AGAP1: variants seen among roughly 807,000 people sequenced by gnomAD.
AGAP1 encodes ArfGAP with GTPase domain, ankyrin repeat and PH domain 1.
A neutral mutation model predicts 105.3 loss-of-function variants in AGAP1; 29 were observed. That is an observed-to-expected ratio of 0.28 (90% CI 0.21 to 0.38). The LOEUF (loss-of-function observed/expected upper bound fraction) is 0.38, where lower values mean the gene tolerates loss of function less well. Ranked by LOEUF, AGAP1 falls within the 10% of genes least tolerant of loss-of-function variation. The pLI is 1.00. For synonymous variants in AGAP1, 509 were observed against 485.9 expected, an observed-to-expected ratio of 1.05 and a Z score of -0.63; for missense variants, 998 against 1,165.1, an observed-to-expected ratio of 0.86 and a Z score of 2.09.
intron 1 of AGAP1, among the ~76,000 whole-genome samples, chr2:235,545,140 T>C (rs554880311): frequency 6.6e-6 from 1 of 152,346 alleles, no homozygotes; most frequent in African/African-American, 2.4e-5. Flanking sequence ...GTCCATGATA[T>C]GGGCACCTTA....
At chr2:235,516,099 G>A (rs545889679) in intron 1 of AGAP1, among the ~76,000 whole-genome samples, 43 of 97,674 alleles carry the variant, frequency 4.4e-4, no homozygotes, top group Non-Finnish European at 6.9e-4. Flanking sequence ...CTGCTGGCCC[G>A]CCAGTTCCCA....
In AGAP1 at chr2:236,104,755, G is replaced by T. The variant is rs1180680472; in HGVS notation, c.2115-15437G>T. ...AATACAAAAATTAGCTGGGCATGGT[G>T]ATGCGTGCCTGTAATCCCAGCTACT... On this transcript the variant is annotated intron_variant, in intron 16 of 17. Coordinates refer to ENST00000304032, the MANE Select transcript of AGAP1 (RefSeq NM_001037131.3). This position sits in a 1 kb window ranked among gnomAD's most constrained non-coding sequence, Gnocchi z 4.7. Among the ~76,000 whole-genome samples, 2 of 152,228 alleles carry T rather than the reference G, an allele frequency of 1.3e-5. No individual in the cohort carries two copies. The highest frequency in any genetic ancestry group is 4.8e-5 in the African/African-American group (2 of 41,470).
chr2:236,031,590 G>A (rs1216980218), intron 13 of AGAP1, among the ~76,000 whole-genome samples: 1 of 152,084 alleles, frequency 6.6e-6, no homozygotes. Context: ...TGTGTGAGAC[G>A]CTGAATTCCC....
intron 1 of AGAP1, among the ~76,000 whole-genome samples, chr2:235,679,406 C>G (rs1234776814): frequency 3.9e-5 from 6 of 152,214 alleles, no homozygotes. Flanking sequence ...CCCGAAGCTC[C>G]AAGTATAAGC....
In AGAP1 at chr2:236,049,457, G is replaced by T. The variant is rs776662766; in HGVS notation, c.2114+176G>T. The stretch of plus-strand genomic sequence containing the variant: ...TTAAAGTTGGTCTTGAGCAGACGTG[G>T]ATAATTCACACTCCTTAATTTTTTA... On this transcript the variant is annotated intron_variant, in intron 16 of 17. Transcript: ENST00000304032. 19 of 573,256 alleles carry T rather than the reference G, an allele frequency of 3.3e-5. 1 individual carries two copies. The highest frequency in any genetic ancestry group is 4.6e-4 in the Middle Eastern group (1 of 2,170). The allele number at this position is 573,256 out of a possible 1,614,324, so 35.5% of individuals were successfully genotyped here.
rs181794056 is a variant in AGAP1, at chr2:235,889,777, G to A, written c.1155+6328G>A. Reference sequence around the variant, plus strand: ...TGAAAACCTCAAACCTTTTTCTTAGGAGAGAACCTCTGTTTCTAAGCAGTG... The same window carrying A: ...TGAAAACCTCAAACCTTTTTCTTAGAAGAGAACCTCTGTTTCTAAGCAGTG... On this transcript the variant is annotated intron_variant, in intron 10 of 17. Coordinates refer to ENST00000304032, the MANE Select transcript of AGAP1 (RefSeq NM_001037131.3). This position sits in a 1 kb window ranked among gnomAD's most constrained non-coding sequence, Gnocchi z 4.6. Among the ~76,000 whole-genome samples, 2 of 152,156 alleles carry A rather than the reference G, an allele frequency of 1.3e-5. No homozygotes were observed. The highest frequency in any genetic ancestry group is 2.4e-5 in the African/African-American group (1 of 41,532).
Position 236,120,385 on chromosome 2 carries a change from C to G in AGAP1, c.2308C>G (p.Arg770Gly), listed in dbSNP as rs144908736. 1 of 1,611,378 alleles carries G rather than the reference C, an allele frequency of 6.2e-7. No individual in the cohort carries two copies. Among genetic ancestry groups the G allele is most frequent in the African/African-American group, 1.3e-5 (1 of 74,880 alleles). Residue 770 changes from arginine to glycine, a missense_variant, in exon 17 of 18, where the codon CGC becomes GGC. Transcript: ENST00000304032. The surrounding 1 kb of genome is among the most constrained non-coding windows in gnomAD (Gnocchi z 6.0). ...CGAGACCTGCGGGGAGGGAGACGGC[C>G]GCACGGCGCTGCATCTGGCCTGCCG... ...VNETCGEGDG[R>G]TALHLACRKG...
chr2:235,810,610 T>G (rs775967886), intron 9 of AGAP1, among the ~76,000 whole-genome samples: 24 of 152,208 alleles, frequency 1.6e-4, no homozygotes, highest in Non-Finnish European at 5.9e-5. Flanking sequence ...TGATACCTCG[T>G]TCGCTGTAAG....
At chr2:235,762,041 G>A (rs1001771987) in intron 6 of AGAP1, among the ~76,000 whole-genome samples, 3 of 151,364 alleles carry the variant, frequency 2.0e-5, no homozygotes, top group South Asian at 2.1e-4. Flanking sequence ...CCCAGGAGCC[G>A]GAAGTTCCAG....
At chr2:235,757,975 C>T (rs1954069673) in intron 6 of AGAP1, among the ~76,000 whole-genome samples, 1 of 152,214 alleles carries the variant, frequency 6.6e-6, no homozygotes, top group African/African-American at 2.4e-5. Flanking sequence ...TTTGCTCACA[C>T]CACAGTCCTT....
In AGAP1 at chr2:236,123,893, T is replaced by C; in HGVS notation, c.2371-26T>C. The C allele has an allele frequency of 6.2e-7, 1 of 1,611,560 alleles. No homozygotes were observed. The highest frequency in any genetic ancestry group is 8.5e-7 in the Non-Finnish European group (1 of 1,179,590). On this transcript the variant is annotated intron_variant, in intron 17 of 17. Transcript: ENST00000304032. The surrounding 1 kb of genome is among the most constrained non-coding windows in gnomAD (Gnocchi z 4.6). Reference sequence around the variant, plus strand: ...CCCTCCATCACATCCCCCATGATACTAATGTGGGCTCCCTTACCTCCGCAG... The same window carrying C: ...CCCTCCATCACATCCCCCATGATACCAATGTGGGCTCCCTTACCTCCGCAG...
Position 235,799,065 on chromosome 2 carries a change from G to A in AGAP1, c.802-302G>A, listed in dbSNP as rs1575495088. ...TTAACCAACCCCTTTCATTTTCAGA[G>A]GAAAGAGAAAATAATCAAATTTGAA... On this transcript the variant is annotated intron_variant, in intron 7 of 17. Coordinates refer to ENST00000304032, the MANE Select transcript of AGAP1 (RefSeq NM_001037131.3). The surrounding 1 kb of genome is among the most constrained non-coding windows in gnomAD (Gnocchi z 5.0). Among the ~76,000 whole-genome samples, 1 of 152,002 alleles carries A rather than the reference G, an allele frequency of 6.6e-6. No homozygotes were observed. Among genetic ancestry groups the A allele is most frequent in the Non-Finnish European group, 1.5e-5 (1 of 68,004 alleles).
At chr2:235,814,245 GC>G (rs1190861469) in intron 9 of AGAP1, among the ~76,000 whole-genome samples, 1 of 152,186 alleles carries the variant, frequency 6.6e-6, no homozygotes, top group Non-Finnish European at 1.5e-5. Flanking sequence ...TCTCTACCCA[GC>G]ACTTCCCTGC....
intron 1 of AGAP1, among the ~76,000 whole-genome samples, chr2:235,708,277 T>C (rs927769575): frequency 6.6e-6 from 1 of 152,206 alleles, no homozygotes; most frequent in Non-Finnish European, 1.5e-5. Context: ...CTCCCTCTGG[T>C]CCAGCCCACT....
rs1370106750 is a variant in AGAP1 at position 235,612,576 on chromosome 2, T to TG, written c.164-96598dup. Among the ~76,000 whole-genome samples the TG allele has an allele frequency of 5.3e-5, 8 of 152,200 alleles. No homozygotes were observed. The highest frequency in any genetic ancestry group is 3.3e-4 in the Admixed American group (5 of 15,288). On this transcript the variant is annotated intron_variant, in intron 1 of 17. Coordinates refer to ENST00000304032, the MANE Select transcript of AGAP1 (RefSeq NM_001037131.3). This position sits in a 1 kb window ranked among gnomAD's most constrained non-coding sequence, Gnocchi z 4.3. The stretch of plus-strand genomic sequence containing the variant: ...GCTAAGGGAAAAGAACGTGACTGTG[T>TG]GGGGGTCTCCCTGACTCCTTAGAAC...
intron 3 of AGAP1, among the ~76,000 whole-genome samples, chr2:235,731,199 C>T (rs1487530203): frequency 6.6e-6 from 1 of 152,104 alleles, no homozygotes; most frequent in African/African-American, 2.4e-5. Context: ...CAGGCACAGG[C>T]CCTTGTGGTG....
intron 6 of AGAP1, among the ~76,000 whole-genome samples, chr2:235,780,508 T>C (rs1215449556): frequency 2.6e-5 from 4 of 152,200 alleles, no homozygotes; most frequent in Non-Finnish European, 5.9e-5. Context: ...ACAGATTTGC[T>C]GAAATCATTC....
chr2:235,513,031 C>G (rs1351981181), intron 1 of AGAP1, among the ~76,000 whole-genome samples: 1 of 152,198 alleles, frequency 6.6e-6, no homozygotes, highest in South Asian at 2.1e-4. Flanking sequence ...CAGTTCATTT[C>G]ATGGCAGTTC....
intron 1 of AGAP1, among the ~76,000 whole-genome samples, chr2:235,531,219 T>C (rs1045940461): frequency 9.2e-5 from 14 of 152,214 alleles, no homozygotes; most frequent in Admixed American, 9.2e-4. Flanking sequence ...TCCTTTTTGC[T>C]GGGAGGCAGT....
Sources: gnomAD v4.1 joint callset for allele counts (sites outside exome capture counted in the v4.1 genomes callset) on GRCh38, gnomAD v4.1.1 for gene constraint, Gnocchi (gnomAD v3.1) non-coding constraint, MANE v1.5 for transcripts, NCBI Gene and HGNC (gene_info 2026-07-23, HGNC 2026-07-21) for gene names.